Variants in STIL observed in about 807,000 individuals in gnomAD.
The protein encoded by STIL is SCL-interrupting locus protein.
In STIL, 55 loss-of-function variants were observed where a neutral mutation model predicts 110.1. The ratio of observed to expected loss-of-function variants is 0.50; its 90% CI spans 0.40 to 0.63. The LOEUF is 0.63. Among genes scored for constraint, STIL ranks in the 20% least tolerant of loss-of-function variants. The probability of loss-of-function intolerance (pLI) is 0.00; values close to 1 mark genes in which losing one functional copy is unlikely to be tolerated. For missense variants in STIL, 1,358 were observed against 1,530.0 expected, an observed-to-expected ratio of 0.89 and a Z score of 1.87; for synonymous variants, 481 against 530.0, an observed-to-expected ratio of 0.91 and a Z score of 1.27.
chr1:47,289,061 CAA>C (rs371944423), intron 9 of STIL, among the ~76,000 whole-genome samples: 46 of 83,478 alleles, frequency 5.5e-4, no homozygotes, highest in African/African-American at 7.2e-4. Flanking sequence ...GATTCCATCT[CAA>C]AAAAAAAAAA....
intron 14 of STIL, among the ~76,000 whole-genome samples, chr1:47,264,726 G>C (rs1163428725): frequency 6.6e-6 from 1 of 152,148 alleles, no homozygotes; most frequent in Non-Finnish European, 1.5e-5. Flanking sequence ...CAGACCAAAA[G>C]TGCGAGAAGG....
intron 12 of STIL, among the ~76,000 whole-genome samples, chr1:47,279,299 AATC>A (rs886284899): frequency 1.3e-5 from 2 of 149,484 alleles, no homozygotes; most frequent in African/African-American, 5.1e-5. Context: ...AAAAAAAAAA[AATC>A]ATACGTATAT....
intron 7 of STIL, among the ~76,000 whole-genome samples, chr1:47,294,888 A>C (rs1645597412): frequency 6.6e-6 from 1 of 152,122 alleles, no homozygotes; most frequent in African/African-American, 2.4e-5. Flanking sequence ...CAGGGCTCTA[A>C]GCCTTCACCT....
chr1:47,297,363 G>T (rs936334073), intron 6 of STIL, among the ~76,000 whole-genome samples: 1 of 150,196 alleles, frequency 6.7e-6, no homozygotes, highest in African/African-American at 2.4e-5. Flanking sequence ...AAAAGAATTA[G>T]TTCAGGCTTT....
chr1:47,306,952 GA>G (rs1347768177), intron 2 of STIL, among the ~76,000 whole-genome samples: 2 of 152,182 alleles, frequency 1.3e-5, no homozygotes, highest in African/African-American at 4.8e-5. Context: ...TGCAGTTCGA[GA>G]CCAGCCTGGC....
At chr1:47,302,799 A>G (rs1037177043) in intron 3 of STIL, among the ~76,000 whole-genome samples, 1 of 152,212 alleles carries the variant, frequency 6.6e-6, no homozygotes, top group South Asian at 2.1e-4. Flanking sequence ...ATACGTATCT[A>G]TGATAAAGTT....
chr1:47,282,901 A>T (rs1645191212), intron 10 of STIL: 1 of 156,596 alleles, frequency 6.4e-6, no homozygotes, highest in South Asian at 1.9e-4. Flanking sequence ...TATATCTATG[A>T]TGGGAAAATA....
In STIL at chr1:47,251,046, G is replaced by T; in HGVS notation, c.*90C>A. The stretch of plus-strand genomic sequence containing the variant: ...TACCAAGAAACAGTGACTCCAGAAT[G>T]ATCAGGAGCCTTGTGGTAGGCTCCT... On this transcript the variant is annotated 3_prime_UTR_variant, in exon 17 of 17. Transcript: ENST00000371877. 1 of 1,289,904 alleles carries T rather than the reference G, an allele frequency of 7.8e-7. No homozygotes were observed. The highest frequency in any genetic ancestry group is 1.1e-6 in the Non-Finnish European group (1 of 928,088). The allele number at this position is 1,289,904 out of a possible 1,614,324, so 79.9% of individuals were successfully genotyped here. A position where few individuals can be genotyped will look rare whatever the true frequency, so the allele number is the denominator to read the frequency against.
chr1:47,306,467 T>G (rs1407388149), intron 2 of STIL, among the ~76,000 whole-genome samples: 1 of 152,158 alleles, frequency 6.6e-6, no homozygotes, highest in African/African-American at 2.4e-5. Context: ...TTTCCCAGGC[T>G]GGTCTTGAAC....
At chr1:47,277,675 C>T (rs1224031807) in intron 12 of STIL, among the ~76,000 whole-genome samples, 1 of 151,924 alleles carries the variant, frequency 6.6e-6, no homozygotes, top group African/African-American at 2.4e-5. Context: ...GCCTGAGTGA[C>T]GAGATGAGAG....
intron 7 of STIL, among the ~76,000 whole-genome samples, chr1:47,294,025 C>T (rs1254272675): frequency 6.6e-6 from 1 of 152,178 alleles, no homozygotes; most frequent in Non-Finnish European, 1.5e-5. Context: ...ACTTAAGCAT[C>T]AACAATCCAT....
intron 12 of STIL, among the ~76,000 whole-genome samples, chr1:47,279,527 G>C (rs568483481): frequency 6.6e-6 from 1 of 151,866 alleles, no homozygotes; most frequent in South Asian, 2.1e-4. Context: ...GAACTCCGTC[G>C]AGACTATGCT....
intron 2 of STIL, chr1:47,305,246 T>G (rs1228034401): frequency 2.6e-6 from 1 of 384,818 alleles, no homozygotes; most frequent in Admixed American, 4.1e-5. Context: ...CTGCCTGAGC[T>G]TCCTGAGTAG....
intron 11 of STIL, among the ~76,000 whole-genome samples, chr1:47,281,554 CA>C (rs1432643444): frequency 6.6e-6 from 1 of 151,542 alleles, no homozygotes; most frequent in Non-Finnish European, 1.5e-5. Flanking sequence ...ATCCTCTCTG[CA>C]AAAAATAAAA....
chr1:47,290,444 G>A (rs755898373), intron 8 of STIL, among the ~76,000 whole-genome samples: 4 of 152,270 alleles, frequency 2.6e-5, no homozygotes, highest in Admixed American at 6.5e-5. Context: ...AGTGGCTCAC[G>A]CCTGTAATCC....
chr1:47,260,685 C>T (rs1644460022), intron 15 of STIL, 146 bp from the exon 16 acceptor site: 9 of 824,154 alleles, frequency 1.1e-5, no homozygotes, highest in South Asian at 1.0e-4. Flanking sequence ...CCCTGGGCAA[C>T]ACAGCGAGAT....
chr1:47,299,583 G>T (rs1645742812), intron 6 of STIL, among the ~76,000 whole-genome samples: 1 of 151,792 alleles, frequency 6.6e-6, no homozygotes, highest in African/African-American at 2.4e-5. Flanking sequence ...AGTAGAGATG[G>T]GGTTTCACCA....
At chr1:47,282,753 A>G in intron 10 of STIL, 2 of 335,370 alleles carry the variant, frequency 6.0e-6, no homozygotes, top group Non-Finnish European at 1.1e-5. Flanking sequence ...ACTTCGATAA[A>G]TATAGAAACA....
At position 47,280,725 on chromosome 1, in the gene STIL, G is replaced by C. The variant is rs1280236640; in HGVS notation, c.1733C>G (p.Pro578Arg). The change falls in exon 12 of 17, where the codon CCC becomes CGC. Residue 578 changes from proline to arginine, a missense_variant. By Grantham distance (103) the Pro-to-Arg change is moderately radical (BLOSUM62 -2). Transcript: ENST00000371877. ...TTCCATTGGTCTTCCTGAATTATGG[G>C]GTGAAAAAACAAAATCGTGTGGTTG... ...QSQPHDFVFS[P>R]HNSGRPMELQ... is the part of the protein sequence containing the mutation. 1.2e-6 allele frequency: 2 copies of C among 1,613,998 alleles called. No homozygotes were observed. Among genetic ancestry groups the C allele is most frequent in the Non-Finnish European group, 1.7e-6 (2 of 1,179,926 alleles).
Sources: allele counts gnomAD v4.1 joint callset (sites outside exome capture counted in the v4.1 genomes callset), GRCh38; gene constraint gnomAD v4.1.1; transcripts MANE v1.5; gene names NCBI Gene and HGNC (gene_info 2026-07-23, HGNC 2026-07-21).